Variants in ROS1 observed in about 807,000 individuals in gnomAD.
ROS1 encodes ROS proto-oncogene 1, receptor tyrosine kinase.
ROS1 carries 263 observed loss-of-function variants against 273.5 expected under a neutral mutation model. That is an observed-to-expected ratio of 0.96 (90% CI 0.87 to 1.06). The LOEUF is 1.06. Ranked by LOEUF, ROS1 falls within the 50% of genes least tolerant of loss-of-function variation. The pLI is 0.00. For missense variants in ROS1, 2,833 were observed against 2,751.1 expected, an observed-to-expected ratio of 1.03 and a Z score of -0.67; for synonymous variants, 1,008 against 954.1, an observed-to-expected ratio of 1.06 and a Z score of -1.04.
At chr6:117,404,598 C>G (rs1181256913) in intron 5 of ROS1, among the ~76,000 whole-genome samples, 170 bp from the exon 6 acceptor site, 1 of 143,426 alleles carries the variant, frequency 7.0e-6, no homozygotes, top group Non-Finnish European at 1.5e-5. Context: ...TTTAAAAAAT[C>G]AATCAGTCAG....
intron 43 of ROS1, among the ~76,000 whole-genome samples, chr6:117,295,984 C>T (rs1774210150): frequency 6.6e-6 from 1 of 152,218 alleles, no homozygotes; most frequent in South Asian, 2.1e-4. Context: ...AATCCCACTG[C>T]TGTACATATG....
At chr6:117,320,944 C>A (rs1010977263) in intron 36 of ROS1, among the ~76,000 whole-genome samples, 1 of 152,136 alleles carries the variant, frequency 6.6e-6, no homozygotes, top group African/African-American at 2.4e-5. Flanking sequence ...CTCTCAAACA[C>A]TGCCTCCAGG....
intron 43 of ROS1, among the ~76,000 whole-genome samples, chr6:117,292,283 A>G (rs989102705): frequency 1.2e-4 from 18 of 152,126 alleles, no homozygotes; most frequent in African/African-American, 4.3e-4. Context: ...TGTGACTTTT[A>G]TAATGTATCT....
rs779266768 is a variant in ROS1 at position 117,379,115 on chromosome 6, C to A, written c.2526G>T (p.Trp842Cys). 1.2e-6 allele frequency: 2 copies of A among 1,613,364 alleles called. No homozygotes were observed. The highest frequency in any genetic ancestry group is 1.1e-5 in the South Asian group (1 of 91,044). Reference protein sequence around the residue: ...TLDLSDGLLYWLVQDSQCIHL... With the variant: ...TLDLSDGLLYCLVQDSQCIHL... The stretch of plus-strand genomic sequence containing the variant: ...GAATACATTGACTGTCTTGAACCAA[C>A]CAATACAGGAGCCCATCACTGAGGT... Residue 842 changes from tryptophan to cysteine, a missense_variant, in exon 18 of 44, where the codon TGG (tryptophan) becomes TGT (cysteine). Trp to Cys is a radical substitution (Grantham distance 215). Coordinates refer to ENST00000368507, the MANE Select transcript of ROS1 (RefSeq NM_001378902.1).
intron 21 of ROS1, among the ~76,000 whole-genome samples, chr6:117,364,634 G>C (rs1034815637): frequency 6.6e-6 from 1 of 152,188 alleles, no homozygotes; most frequent in Non-Finnish European, 1.5e-5. Context: ...GATATGGCTA[G>C]TATCTTTTTT....
Position 117,321,383 on chromosome 6 carries a change from T to G in ROS1, c.5635A>C (p.Arg1879=). Residue 1879 remains arginine, a synonymous_variant, in exon 36 of 44, where the codon AGA becomes CGA. Coordinates refer to ENST00000368507, the MANE Select transcript of ROS1 (RefSeq NM_001378902.1). ...TTGGCACTTTTTTGATTCTTTAATCTTCTATGCCAGACTATAAAGGAAAAA... is the reference window on the plus strand; with the variant it reads ...TTGGCACTTTTTTGATTCTTTAATCGTCTATGCCAGACTATAAAGGAAAAA... The part of the protein sequence containing the change: ...TIPLTFVWHR[R]LKNQKSAKEG... 1 of 1,608,142 alleles carries G rather than the reference T, an allele frequency of 6.2e-7. No homozygotes were observed. Among genetic ancestry groups the G allele is most frequent in the Non-Finnish European group, 8.5e-7 (1 of 1,178,182 alleles).
chr6:117,308,584 T>C (rs1265482160), intron 42 of ROS1, among the ~76,000 whole-genome samples: 4 of 152,120 alleles, frequency 2.6e-5, no homozygotes, highest in Admixed American at 2.6e-4. Context: ...AAATTTTGTT[T>C]CTCAGTGAAA....
chr6:117,324,472 A>T (rs558225059), intron 34 of ROS1, 57 bp from the exon 35 acceptor site: 1 of 806,550 alleles, frequency 1.2e-6, no homozygotes, highest in Non-Finnish European at 2.1e-6. Context: ...AAGTTGCCCC[A>T]GCTCTACCTA....
Position 117,342,546 on chromosome 6 carries a change from T to C in ROS1, c.4507-2A>G. The C allele has an allele frequency of 1.4e-6, 2 of 1,464,342 alleles. No homozygotes were observed. The highest frequency in any genetic ancestry group is 2.5e-5 in the East Asian group (1 of 40,576). 90.7% of individuals were successfully genotyped at this position (1,464,342 alleles called of 1,614,324 possible). ...AAGAGCTATACTGTCCTGAAATTCC[T>C]GTAATTGATTTTTTAAAAATCAACA... On this transcript the variant is annotated splice_acceptor_variant, in intron 28 of 43. Transcript: ENST00000368507. LOFTEE classifies it high-confidence loss of function.
chr6:117,292,024 C>T (rs947420175), intron 43 of ROS1, among the ~76,000 whole-genome samples: 1 of 151,336 alleles, frequency 6.6e-6, no homozygotes, highest in African/African-American at 2.4e-5. Context: ...GGCTGGAGTG[C>T]AGTGGTGCGA....
At chr6:117,326,178 A>C (rs527815172) in intron 34 of ROS1, 46 bp downstream of exon 34, 1 of 1,148,368 alleles carries the variant, frequency 8.7e-7, no homozygotes, top group South Asian at 1.5e-5. Flanking sequence ...TTTATTACTG[A>C]ACCTTTAGGT....
intron 36 of ROS1, among the ~76,000 whole-genome samples, chr6:117,320,558 A>G (rs1423427473): frequency 6.6e-6 from 1 of 152,196 alleles, no homozygotes; most frequent in Non-Finnish European, 1.5e-5. Context: ...AAATGCTGCT[A>G]TGTTAAAAAT....
At chr6:117,395,789 T>C (rs1428670224) in intron 9 of ROS1, among the ~76,000 whole-genome samples, 3 of 152,116 alleles carry the variant, frequency 2.0e-5, no homozygotes, top group East Asian at 1.9e-4. Context: ...AAAACAAAGA[T>C]ACTGGAAAAC....
chr6:117,359,664 T>C (rs569362218), intron 24 of ROS1, 145 bp downstream of exon 24: 5 of 680,970 alleles, frequency 7.3e-6, no homozygotes, highest in African/African-American at 7.2e-5. Context: ...TCTGTATTCA[T>C]TTGTGGCTAA....
chr6:117,330,337 C>G (rs1204290884), intron 32 of ROS1, among the ~76,000 whole-genome samples: 1 of 152,198 alleles, frequency 6.6e-6, no homozygotes, highest in African/African-American at 2.4e-5. Flanking sequence ...GGCCTGAGCC[C>G]CTAGGGGGAG....
chr6:117,292,759 C>T (rs772155035), intron 43 of ROS1, among the ~76,000 whole-genome samples: 1 of 152,220 alleles, frequency 6.6e-6, no homozygotes, highest in Non-Finnish European at 1.5e-5. Context: ...TCCTCATCTC[C>T]AGGAATAGCG....
At chr6:117,327,619 C>T (rs1404497611) in intron 33 of ROS1, among the ~76,000 whole-genome samples, 2 of 152,178 alleles carry the variant, frequency 1.3e-5, no homozygotes, top group Non-Finnish European at 2.9e-5. Flanking sequence ...CTCCATTTTA[C>T]AGATGAGGAA....
intron 42 of ROS1, among the ~76,000 whole-genome samples, chr6:117,302,323 A>G (rs1008919868): frequency 2.6e-5 from 4 of 152,066 alleles, no homozygotes; most frequent in African/African-American, 9.7e-5. Context: ...TTCCTGTCTA[A>G]GGTAGTGTCA....
At position 117,414,562 on chromosome 6, in the gene ROS1, A is replaced by G. The variant is rs1775191838; in HGVS notation, c.229-17T>C. On this transcript the variant is annotated splice_polypyrimidine_tract_variant and intron_variant, in intron 3 of 43. Transcript: ENST00000368507. Reference sequence around the variant, plus strand: ...AGTATCATTCTGCATAGAAAAAAAAAAAGACTACTTAAAATCTTGAAAGTT... The same window carrying G: ...AGTATCATTCTGCATAGAAAAAAAAGAAGACTACTTAAAATCTTGAAAGTT... 1 of 724,192 alleles carries G rather than the reference A, an allele frequency of 1.4e-6. No homozygotes were observed. The highest frequency in any genetic ancestry group is 2.5e-6 in the Non-Finnish European group (1 of 403,472). 44.9% of individuals were successfully genotyped at this position (724,192 alleles called of 1,614,324 possible).
Sources: allele counts gnomAD v4.1 joint callset (sites outside exome capture counted in the v4.1 genomes callset), GRCh38; gene constraint gnomAD v4.1.1; transcripts MANE v1.5; gene names NCBI Gene and HGNC (gene_info 2026-07-23, HGNC 2026-07-21).